Variants in MYO7B observed in about 807,000 individuals in gnomAD.
The protein encoded by MYO7B is myosin VIIB.
In MYO7B, 212 loss-of-function variants were observed where a neutral mutation model predicts 259.7. The ratio of observed to expected loss-of-function variants is 0.82; its 90% CI spans 0.73 to 0.91. The LOEUF (loss-of-function observed/expected upper bound fraction) is 0.91. Among genes scored for constraint, MYO7B ranks in the 40% least tolerant of loss-of-function variants. MYO7B has a pLI of 0.00. For missense variants in MYO7B, 2,732 were observed against 2,813.5 expected (o/e 0.97, Z 0.66); for synonymous variants, 1,197 against 1,166.4 (o/e 1.03, Z -0.54).
chr2:127,568,619 G>A (rs141507714), intron 5 of MYO7B, among the ~76,000 whole-genome samples: 5 of 152,304 alleles, frequency 3.3e-5, no homozygotes, highest in East Asian at 1.9e-4. Context: ...TATTTTGGCC[G>A]GGTGCGGTAG....
Position 127,571,605 on chromosome 2 carries a change from C to T in MYO7B, c.592+1695C>T, listed in dbSNP as rs780503704. ...AAGCGATTCTCCTGCCTCAGCCTCC[C>T]GAGTAGCTGGAATTATAGGCATGCA... On this transcript the variant is annotated intron_variant, in intron 6 of 47. Coordinates refer to ENST00000409816, the MANE Select transcript of MYO7B (RefSeq NM_001393586.1). 2.6e-5 allele frequency among the ~76,000 whole-genome samples: 4 copies of T among 151,670 alleles called. No individual in the cohort carries two copies. The South Asian group carries it at 6.2e-4, about 24-fold the overall frequency.
intron 9 of MYO7B, among the ~76,000 whole-genome samples, chr2:127,579,448 C>T (rs902549921): frequency 6.6e-6 from 1 of 152,186 alleles, no homozygotes; most frequent in African/African-American, 2.4e-5. Flanking sequence ...CCAGACTGCA[C>T]ACTTCGGCCA....
In MYO7B at chr2:127,625,282, G is replaced by A. The variant is rs543026650; in HGVS notation, c.4048-86G>A. On this transcript the variant is annotated intron_variant, in intron 30 of 47. Transcript: ENST00000409816. ...TTAGCTCCCCTGTGATGGGGCAAGA[G>A]CCCGGCCACGGGACAGGGGCATCCT... 3.6e-6 allele frequency: 5 copies of A among 1,400,156 alleles called. No individual in the cohort carries two copies. In the African/African-American group the frequency reaches 5.9e-5, roughly 16 times the overall value. The allele number at this position is 1,400,156 out of a possible 1,614,324, so 86.7% of individuals were successfully genotyped here. A position where few individuals can be genotyped will look rare whatever the true frequency, so the allele number is the denominator to read the frequency against.
At chr2:127,601,296 T>C (rs1180626037) in intron 19 of MYO7B, among the ~76,000 whole-genome samples, 1 of 152,246 alleles carries the variant, frequency 6.6e-6, no homozygotes, top group African/African-American at 2.4e-5. Context: ...TATTTTGCTG[T>C]TAATTCGGAG....
chr2:127,565,215 C>G lies in MYO7B; in HGVS notation c.133-18C>G. On this transcript the variant is annotated intron_variant, in intron 3 of 47. Transcript: ENST00000409816. ...GATGGAGGCCACCCCTCAGGGGAGT[C>G]TGCACCCATTGTTCCAGGAACACTG... 1 of 1,611,754 alleles carries G rather than the reference C, an allele frequency of 6.2e-7. No individual in the cohort carries two copies. The highest frequency in any genetic ancestry group is 1.1e-5 in the South Asian group (1 of 90,704).
At chr2:127,595,036 T>C (rs1679707472) in intron 18 of MYO7B, among the ~76,000 whole-genome samples, 2 of 151,942 alleles carry the variant, frequency 1.3e-5, no homozygotes, top group South Asian at 4.1e-4. Flanking sequence ...TGGAATAGTT[T>C]CAAAAAAAAG....
chr2:127,593,649 G>A lies in MYO7B; in HGVS notation c.2244+5G>A. 1 of 1,613,172 alleles carries A rather than the reference G, an allele frequency of 6.2e-7. No homozygotes were observed. Among genetic ancestry groups the A allele is most frequent in the South Asian group, 1.1e-5 (1 of 91,066 alleles). Reference sequence around the variant, plus strand: ...AAGACAAAAATTTTCCTGAGGGTGAGACCCCGAGGAACCAGCCAGCTGTCG... The same window carrying A: ...AAGACAAAAATTTTCCTGAGGGTGAAACCCCGAGGAACCAGCCAGCTGTCG... On this transcript the variant is annotated splice_donor_5th_base_variant and intron_variant, in intron 18 of 47. Transcript: ENST00000409816.
chr2:127,626,145 G>A (rs577710748), intron 31 of MYO7B: 2 of 152,460 alleles, frequency 1.3e-5, no homozygotes, highest in African/African-American at 2.4e-5. Flanking sequence ...GTGGTGCTGG[G>A]GAGAGGAACG....
At position 127,629,790 on chromosome 2, in the gene MYO7B, C is replaced by T; in HGVS notation, c.4770C>T (p.Thr1590=). 2 of 1,594,230 alleles carry T rather than the reference C, an allele frequency of 1.3e-6. No individual in the cohort carries two copies. The highest frequency in any genetic ancestry group is 2.2e-5 in the South Asian group (2 of 88,946). The change falls in exon 35 of 48, where the codon ACC becomes ACT. Residue 1590 remains threonine, a synonymous_variant. Transcript: ENST00000409816. ...TGLVPMACLY[T]IPTVTKPSAQ... ...TGGTGCCCATGGCCTGCCTCTACAC[C>T]ATCCCCACGGTCACTAAGCCCTCGG...
intron 6 of MYO7B, among the ~76,000 whole-genome samples, chr2:127,570,181 A>C (rs2104889349): frequency 6.6e-6 from 1 of 152,204 alleles, no homozygotes; most frequent in South Asian, 2.1e-4. Context: ...CCAAGATCAA[A>C]TCAATTTGGG....
In MYO7B at chr2:127,580,740, C is replaced by T. The variant is rs775456213; in HGVS notation, c.1004-6C>T. 1 of 1,611,408 alleles carries T rather than the reference C, an allele frequency of 6.2e-7. No homozygotes were observed. Among genetic ancestry groups the T allele is most frequent in the Non-Finnish European group, 8.5e-7 (1 of 1,178,830 alleles). ...TCCAACTCAGCATTCCTGCTTCTCT[C>T]TCTAGCTTCGGTCTTCGAGAACCTG... is the stretch of plus-strand genomic sequence containing the variant. On this transcript the variant is annotated splice_region_variant and splice_polypyrimidine_tract_variant and intron_variant, in intron 9 of 47. Transcript: ENST00000409816.
chr2:127,566,787 A>T lies in MYO7B; in HGVS notation c.430A>T (p.Ser144Cys), dbSNP rs761649726. Residue 144 changes from serine to cysteine, a missense_variant, in exon 5 of 48, where the codon AGC becomes TGC. Ser to Cys is a moderately radical substitution (Grantham distance 112, BLOSUM62 -1). Transcript: ENST00000409816. Reference sequence around the variant, plus strand: ...TGCCATCGCCAACAACTGCTACTTCAGCATGAAGAGGAACAAGAGGGACCA... The same window carrying T: ...TGCCATCGCCAACAACTGCTACTTCTGCATGAAGAGGAACAAGAGGGACCA... ...VFAIANNCYFSMKRNKRDQCC... is the reference protein window; with the variant it reads ...VFAIANNCYFCMKRNKRDQCC... 7.0e-5 allele frequency: 113 copies of T among 1,612,032 alleles called. No homozygotes were observed. The highest frequency in any genetic ancestry group is 9.2e-5 in the Non-Finnish European group (109 of 1,179,836).
Position 127,559,719 on chromosome 2 carries a change from C to G in MYO7B, c.-4C>G. On this transcript the variant is annotated 5_prime_UTR_variant, in exon 2 of 48. Transcript: ENST00000409816. This position sits in a 1 kb window ranked among gnomAD's most constrained non-coding sequence, Gnocchi z 4.1. ...ATACAGGCTTGTGGAACTGCTGACT[C>G]AGGATGTCGGGGTTCAGGCTGGTAA... 1 of 1,613,946 alleles carries G rather than the reference C, an allele frequency of 6.2e-7. No homozygotes were observed. The highest frequency in any genetic ancestry group is 8.5e-7 in the Non-Finnish European group (1 of 1,179,880).
intron 6 of MYO7B, among the ~76,000 whole-genome samples, chr2:127,570,380 G>A (rs1678546346): frequency 6.6e-6 from 1 of 152,186 alleles, no homozygotes; most frequent in Non-Finnish European, 1.5e-5. Flanking sequence ...AAAAAGAGAG[G>A]AAGCAGCTTG....
rs199997179 is a variant in MYO7B at position 127,580,732 on chromosome 2, G to A, written c.1004-14G>A. The A allele has an allele frequency of 3.4e-5, 54 of 1,609,180 alleles. No homozygotes were observed. The Middle Eastern group carries it at 9.9e-4, about 29-fold the overall frequency. The stretch of plus-strand genomic sequence containing the variant: ...GGCTGCTTTCCAACTCAGCATTCCT[G>A]CTTCTCTCTCTAGCTTCGGTCTTCG... On this transcript the variant is annotated splice_polypyrimidine_tract_variant and intron_variant, in intron 9 of 47. Transcript: ENST00000409816.
In MYO7B at chr2:127,637,440, T is replaced by A. The variant is rs1165168002; in HGVS notation, c.*23T>A. 2 of 1,473,368 alleles carry A rather than the reference T, an allele frequency of 1.4e-6. No homozygotes were observed. Among genetic ancestry groups the A allele is most frequent in the Non-Finnish European group, 1.8e-6 (2 of 1,105,794 alleles). 91.3% of individuals were successfully genotyped at this position (1,473,368 alleles called of 1,614,324 possible). On this transcript the variant is annotated 3_prime_UTR_variant, in exon 48 of 48. Coordinates refer to ENST00000409816, the MANE Select transcript of MYO7B (RefSeq NM_001393586.1). ...TAGCAGCGGATGCTGGCGTGTCTGCTCAGGCGCCCTTCCCGACCTCTAGCC... is the reference window on the plus strand; with the variant it reads ...TAGCAGCGGATGCTGGCGTGTCTGCACAGGCGCCCTTCCCGACCTCTAGCC...
Position 127,609,136 on chromosome 2 carries a change from G to T in MYO7B, c.2814+258G>T, listed in dbSNP as rs1053352496. Reference sequence around the variant, plus strand: ...ATGCTGCCGGGCTCTCCATCACATGGCATTCCCCGCGTATATTTGACCCCA... The same window carrying T: ...ATGCTGCCGGGCTCTCCATCACATGTCATTCCCCGCGTATATTTGACCCCA... On this transcript the variant is annotated intron_variant, in intron 22 of 47. Coordinates refer to ENST00000409816, the MANE Select transcript of MYO7B (RefSeq NM_001393586.1). The surrounding 1 kb of genome is among the most constrained non-coding windows in gnomAD (Gnocchi z 6.9). Among the ~76,000 whole-genome samples the T allele has an allele frequency of 3.3e-5, 5 of 152,332 alleles. No individual in the cohort carries two copies. Among genetic ancestry groups the T allele is most frequent in the African/African-American group, 1.2e-4 (5 of 41,576 alleles).
chr2:127,568,577 G>A (rs2104882064), intron 5 of MYO7B, among the ~76,000 whole-genome samples: 1 of 152,244 alleles, frequency 6.6e-6, no homozygotes, highest in East Asian at 1.9e-4. Flanking sequence ...AGTGATTGTG[G>A]GTATTTTGAT....
intron 38 of MYO7B, 29 bp from the exon 39 acceptor site, chr2:127,632,217 T>C (rs1237069853): frequency 6.2e-7 from 1 of 1,604,096 alleles, no homozygotes; most frequent in East Asian, 2.2e-5. Flanking sequence ...CTGAGGGGCC[T>C]TTCCCGGCTG....
Sources: allele counts gnomAD v4.1 joint callset (sites outside exome capture counted in the v4.1 genomes callset), GRCh38; gene constraint gnomAD v4.1.1; non-coding constraint Gnocchi (gnomAD v3.1); transcripts MANE v1.5; gene names NCBI Gene and HGNC (gene_info 2026-07-23, HGNC 2026-07-21).